Variants in NAE1 observed in about 807,000 individuals in gnomAD.
NAE1 encodes NEDD8-activating enzyme E1 regulatory subunit.
Under a neutral mutation model 88.0 loss-of-function variants are expected in NAE1, and 59 were observed. The observed-to-expected ratio is 0.67, with a 90% CI of 0.54 to 0.83. The LOEUF is 0.83. Among genes scored for constraint, NAE1 ranks in the 40% least tolerant of loss-of-function variants. The probability of loss-of-function intolerance (pLI) is 0.00; values close to 1 mark genes in which losing one functional copy is unlikely to be tolerated. For missense variants in NAE1, 554 were observed against 632.8 expected (o/e 0.88, Z 1.34); for synonymous variants, 186 against 208.9 (o/e 0.89, Z 0.95).
In NAE1 at chr16:66,805,987, A is replaced by G; in HGVS notation, c.1370T>C (p.Leu457Ser). The change falls in exon 18 of 20, where the codon TTG becomes TCG. Residue 457 changes from leucine (L) to serine (S), a missense_variant. Coordinates refer to ENST00000290810, the MANE Select transcript of NAE1 (RefSeq NM_003905.4). ...NYQVEEDIGK[L>S]KSCLTGFLQE... ...AAGGAAGCCAGTGAGACAAGACTTC[A>G]ACTTTCCTATATCTTCTTCAACTTG... 6.2e-7 allele frequency: 1 copy of G among 1,613,466 alleles called. No individual in the cohort carries two copies.
At chr16:66,825,513 A>G (rs1447179187) in intron 3 of NAE1, among the ~76,000 whole-genome samples, 1 of 152,102 alleles carries the variant, frequency 6.6e-6, no homozygotes, top group African/African-American at 2.4e-5. Flanking sequence ...TTCATAATAC[A>G]CATAATACAT....
intron 19 of NAE1, among the ~76,000 whole-genome samples, chr16:66,805,428 C>G (rs1597035612): frequency 6.6e-6 from 1 of 151,972 alleles, no homozygotes; most frequent in Non-Finnish European, 1.5e-5. Context: ...ATAGGGGCAA[C>G]TGAATAAATA....
intron 17 of NAE1, among the ~76,000 whole-genome samples, chr16:66,807,313 C>CT (rs990948165): frequency 2.5e-4 from 38 of 151,832 alleles, no homozygotes; most frequent in Middle Eastern, 3.4e-3. Context: ...GGTGTTTATT[C>CT]TTTTTTTTTC....
chr16:66,813,538 TACATAGTTTGAAAACAGTG>T lies in NAE1; in HGVS notation c.1034+7_1034+25del. 1 of 1,583,932 alleles carries T rather than the reference TACATAGTTTGAAAACAGTG, an allele frequency of 6.3e-7. No homozygotes were observed. Among genetic ancestry groups the T allele is most frequent in the Non-Finnish European group, 8.6e-7 (1 of 1,164,470 alleles). ...TCTAATATAATCAGACTTTTTCTAT[TACATAGTTTGAAAACAGTG>T]ACATACACGTTTTGCAGTTTTATAT... On this transcript the variant is annotated splice_region_variant and intron_variant, in intron 13 of 19. Coordinates refer to ENST00000290810, the MANE Select transcript of NAE1 (RefSeq NM_003905.4).
At chr16:66,805,162 G>A (rs1182610397) in intron 19 of NAE1, among the ~76,000 whole-genome samples, 2 of 152,072 alleles carry the variant, frequency 1.3e-5, no homozygotes, top group African/African-American at 4.8e-5. Context: ...GAAATCAAAG[G>A]GCATCCTGGG....
chr16:66,819,666 G>A (rs1960175388), intron 7 of NAE1, among the ~76,000 whole-genome samples: 1 of 152,140 alleles, frequency 6.6e-6, no homozygotes, highest in African/African-American at 2.4e-5. Context: ...AGTAAGAAAT[G>A]TTCCAATGAG....
At chr16:66,811,081 AC>A (rs1959779657) in intron 13 of NAE1, among the ~76,000 whole-genome samples, 1 of 152,204 alleles carries the variant, frequency 6.6e-6, no homozygotes, top group African/African-American at 2.4e-5. Context: ...AAAATACATT[AC>A]TGAAGAACAT....
chr16:66,830,928 G>C lies in NAE1; in HGVS notation c.-29C>G, dbSNP rs905698994. 5.3e-6 allele frequency: 8 copies of C among 1,512,736 alleles called. No individual in the cohort carries two copies. The highest frequency in any genetic ancestry group is 7.0e-6 in the Non-Finnish European group (8 of 1,138,780). 93.7% of individuals were successfully genotyped at this position (1,512,736 alleles called of 1,614,324 possible). The stretch of plus-strand genomic sequence containing the variant: ...CGCGCCTGCCGCGCGGAAAACAGCC[G>C]AGCCCCTGCGGAGCGCCGCCACCAG... On this transcript the variant is annotated 5_prime_UTR_variant, in exon 1 of 20. Coordinates refer to ENST00000290810, the MANE Select transcript of NAE1 (RefSeq NM_003905.4).
At chr16:66,803,211 G>C (rs1272774531) in intron 19 of NAE1, 93 bp from the exon 20 acceptor site, 3 of 873,480 alleles carry the variant, frequency 3.4e-6, no homozygotes, top group Non-Finnish European at 5.3e-6. Context: ...CTTTTCAAAA[G>C]CAAAGGTGTT....
intron 4 of NAE1, 142 bp from the exon 5 acceptor site, chr16:66,823,742 TC>T: frequency 4.4e-6 from 3 of 683,934 alleles, no homozygotes; most frequent in Non-Finnish European, 7.2e-6. Flanking sequence ...CCTTCTTTTT[TC>T]TTTTTAGAGA....
At chr16:66,806,693 G>A (rs1188776496) in intron 17 of NAE1, among the ~76,000 whole-genome samples, 1 of 152,162 alleles carries the variant, frequency 6.6e-6, no homozygotes, top group Non-Finnish European at 1.5e-5. Flanking sequence ...GATTACAGGT[G>A]TGAGCCACCA....
intron 13 of NAE1, chr16:66,813,202 G>T: frequency 5.8e-6 from 1 of 173,110 alleles, no homozygotes; most frequent in Admixed American, 6.0e-5. Flanking sequence ...AAGTGAAGTG[G>T]CATGATCATG....
chr16:66,810,972 G>A (rs2145318970), intron 13 of NAE1, among the ~76,000 whole-genome samples, 200 bp from the exon 14 acceptor site: 1 of 152,232 alleles, frequency 6.6e-6, no homozygotes, highest in East Asian at 1.9e-4. Flanking sequence ...CGGACTCTCA[G>A]TGCCCACTAA....
intron 13 of NAE1, among the ~76,000 whole-genome samples, chr16:66,811,846 G>A (rs2145320691): frequency 6.6e-6 from 1 of 152,226 alleles, no homozygotes; most frequent in Admixed American, 6.5e-5. Flanking sequence ...CTTAGGCTAG[G>A]ACAACAAACC....
intron 7 of NAE1, among the ~76,000 whole-genome samples, chr16:66,819,933 C>T (rs1206902361): frequency 6.6e-6 from 1 of 152,188 alleles, no homozygotes; most frequent in Non-Finnish European, 1.5e-5. Flanking sequence ...AAATTTCTAA[C>T]AGCAATCACT....
chr16:66,807,504 G>C (rs1959611759), intron 17 of NAE1, among the ~76,000 whole-genome samples: 1 of 152,124 alleles, frequency 6.6e-6, no homozygotes, highest in Non-Finnish European at 1.5e-5. Context: ...GCTGGGCGAG[G>C]TGGCGGGCGC....
chr16:66,826,995 A>G (rs1055966938), intron 1 of NAE1, among the ~76,000 whole-genome samples: 1 of 152,186 alleles, frequency 6.6e-6, no homozygotes, highest in African/African-American at 2.4e-5. Context: ...GAGAGGGTCA[A>G]ATTAGAAACA....
chr16:66,823,374 G>A, intron 5 of NAE1, 68 bp from the exon 6 acceptor site: 1 of 1,385,322 alleles, frequency 7.2e-7, no homozygotes, highest in Non-Finnish European at 1.0e-6. Context: ...AAACATGGCA[G>A]AGACAGTTAA....
chr16:66,812,379 GCA>G (rs971914162), intron 13 of NAE1, among the ~76,000 whole-genome samples: 18 of 152,028 alleles, frequency 1.2e-4, no homozygotes, highest in Non-Finnish European at 2.5e-4. Flanking sequence ...ATAGTTCATA[GCA>G]CAGAGTTAAG....
Sources: allele counts gnomAD v4.1 joint callset (sites outside exome capture counted in the v4.1 genomes callset), GRCh38; gene constraint gnomAD v4.1.1; transcripts MANE v1.5; gene names NCBI Gene and HGNC (gene_info 2026-07-23, HGNC 2026-07-21).